Variants in ZAP70 observed in about 807,000 individuals in gnomAD.
ZAP70 encodes tyrosine-protein kinase ZAP-70.
A neutral mutation model predicts 65.8 loss-of-function variants in ZAP70; 27 were observed. The observed-to-expected ratio is 0.41, with a 90% CI of 0.30 to 0.57. The LOEUF (loss-of-function observed/expected upper bound fraction) is 0.57. Ranked by LOEUF, ZAP70 falls within the 20% of genes least tolerant of loss-of-function variation. The pLI is 0.28. For missense variants in ZAP70, 696 were observed against 870.5 expected, an observed-to-expected ratio of 0.80 and a Z score of 2.52; for synonymous variants, 363 against 360.8, an observed-to-expected ratio of 1.01 and a Z score of -0.07.
chr2:97,720,779 C>T (rs1436920456), intron 2 of ZAP70, among the ~76,000 whole-genome samples: 3 of 152,174 alleles, frequency 2.0e-5, no homozygotes, highest in African/African-American at 4.8e-5. Context: ...ATCCAGGACC[C>T]CCCTCAAGCT....
At chr2:97,738,222 C>A in intron 13 of ZAP70, 115 bp downstream of exon 13, 1 of 1,091,148 alleles carries the variant, frequency 9.2e-7, no homozygotes, top group Non-Finnish European at 1.4e-6. Context: ...AGCCCTTCAC[C>A]CAGTTCATAG....
chr2:97,751,704 G>A, the ZAP70 span, among the ~76,000 whole-genome samples: 1 of 152,214 alleles, frequency 6.6e-6, no homozygotes, highest in African/African-American at 2.4e-5. Flanking sequence ...GGGTTCTGCA[G>A]GCTGTAGAGG....
Position 97,715,511 on chromosome 2 carries a change from G to C in ZAP70, c.-22+1517G>C, listed in dbSNP as rs546005026. Among the ~76,000 whole-genome samples the C allele has an allele frequency of 1.3e-5, 2 of 152,332 alleles. No homozygotes were observed. Among genetic ancestry groups the C allele is most frequent in the South Asian group, 2.1e-4 (1 of 4,826 alleles). ...CAGGCAGTGGAGGCCGGAGTTGGGG[G>C]CCTCACTGGAGGGGCGGTGGAAGGG... On this transcript the variant is annotated intron_variant, in intron 2 of 13. Transcript: ENST00000264972. The surrounding 1 kb of genome is among the most constrained non-coding windows in gnomAD (Gnocchi z 4.1).
chr2:97,753,435 C>T, the ZAP70 span, among the ~76,000 whole-genome samples: 2 of 152,194 alleles, frequency 1.3e-5, no homozygotes, highest in African/African-American at 4.8e-5. Flanking sequence ...CGTGATTCCA[C>T]TAAATGTGTT....
At chr2:97,727,305 G>A (rs954691535) in intron 4 of ZAP70, among the ~76,000 whole-genome samples, 26 of 152,246 alleles carry the variant, frequency 1.7e-4, no homozygotes, top group Admixed American at 3.3e-4. Context: ...GCAAGTTGTC[G>A]TGAAGGTATG....
intron 2 of ZAP70, among the ~76,000 whole-genome samples, chr2:97,721,771 T>A (rs891843051): frequency 6.6e-6 from 1 of 150,708 alleles, no homozygotes; most frequent in East Asian, 2.0e-4. Flanking sequence ...ACATATTTTG[T>A]TTTTTTATTT....
chr2:97,733,878 G>C (rs1222073691), intron 8 of ZAP70: 1 of 558,672 alleles, frequency 1.8e-6, no homozygotes, highest in Non-Finnish European at 3.2e-6. Context: ...CACGTTCCGA[G>C]GTCACTGTGT....
rs372556959 is a variant in ZAP70, at chr2:97,729,792, C to G, written c.564-3091C>G. Among the ~76,000 whole-genome samples, 15 of 150,698 alleles carry G rather than the reference C, an allele frequency of 1.0e-4. 1 individual carries two copies. The highest frequency in any genetic ancestry group is 3.7e-4 in the African/African-American group (15 of 40,902). ...ATATATGTGGTGATAACACCAATGT[C>G]TTAGCTTTTGTGGTTATTATCTGGG... is the stretch of plus-strand genomic sequence containing the variant. On this transcript the variant is annotated intron_variant, in intron 4 of 13. Coordinates refer to ENST00000264972, the MANE Select transcript of ZAP70 (RefSeq NM_001079.4).
At chr2:97,754,271 A>G in the ZAP70 span, among the ~76,000 whole-genome samples, 4 of 152,206 alleles carry the variant, frequency 2.6e-5, no homozygotes, top group Non-Finnish European at 5.9e-5. Context: ...GGCGAGGCTC[A>G]TGGGGTGAAA....
chr2:97,725,787 G>C (rs1230754609), intron 4 of ZAP70, among the ~76,000 whole-genome samples: 1 of 152,196 alleles, frequency 6.6e-6, no homozygotes, highest in Non-Finnish European at 1.5e-5. Flanking sequence ...TTCTGAGGAA[G>C]GGAAAGAAGC....
At chr2:97,735,103 C>A in intron 9 of ZAP70, 147 bp from the exon 10 acceptor site, 1 of 929,138 alleles carries the variant, frequency 1.1e-6, no homozygotes, top group Non-Finnish European at 1.6e-6. Context: ...GCTGCAGGGA[C>A]ATTGAGCGCC....
chr2:97,744,679 A>G (rs542247361), downstream of ZAP70, among the ~76,000 whole-genome samples: 1 of 152,336 alleles, frequency 6.6e-6, no homozygotes, highest in South Asian at 2.1e-4. Context: ...AAAAGAGAAC[A>G]GAGAATAACA....
intron 2 of ZAP70, among the ~76,000 whole-genome samples, chr2:97,723,232 C>T (rs1677228810): frequency 6.6e-6 from 1 of 152,202 alleles, no homozygotes; most frequent in South Asian, 2.1e-4. Flanking sequence ...ATGGATATTC[C>T]AATTAGCGTA....
Position 97,725,129 on chromosome 2 carries a change from C to G in ZAP70, c.440C>G (p.Pro147Arg). Residue 147 changes from proline (P) to arginine (R), a missense_variant, in exon 4 of 14, where the codon CCG becomes CGG. Transcript: ENST00000264972. ...ALEQAIISQAPQVEKLIATTA... is the reference protein window; with the variant it reads ...ALEQAIISQARQVEKLIATTA... ...GAGCAGGCCATCATCAGCCAGGCCC[C>G]GCAGGTGGAGAAGCTCATTGCTACG... 1 of 1,614,096 alleles carries G rather than the reference C, an allele frequency of 6.2e-7. No individual in the cohort carries two copies. The highest frequency in any genetic ancestry group is 8.5e-7 in the Non-Finnish European group (1 of 1,180,008).
chr2:97,743,153 CT>C (rs1488137935), downstream of ZAP70, among the ~76,000 whole-genome samples: 12 of 152,160 alleles, frequency 7.9e-5, no homozygotes, highest in Admixed American at 2.0e-4. Context: ...AACCAAACTC[CT>C]GAGTTAGGCC....
intron 2 of ZAP70, among the ~76,000 whole-genome samples, chr2:97,720,510 C>T (rs560926656): frequency 2.5e-4 from 38 of 152,150 alleles, no homozygotes; most frequent in African/African-American, 9.2e-4. Flanking sequence ...CCACCGGGCC[C>T]AGCCATTAAT....
Position 97,725,156 on chromosome 2 carries a change from C to T in ZAP70, c.467C>T (p.Thr156Met), listed in dbSNP as rs1266171275. 6.2e-7 allele frequency: 1 copy of T among 1,614,174 alleles called. No homozygotes were observed. The highest frequency in any genetic ancestry group is 8.5e-7 in the Non-Finnish European group (1 of 1,180,020). The change falls in exon 4 of 14, where the codon ACG becomes ATG. Residue 156 changes from threonine (T) to methionine (M), a missense_variant. Transcript: ENST00000264972. ...APQVEKLIAT[T>M]AHERMPWYHS... ...CAGGTGGAGAAGCTCATTGCTACGACGGCCCACGAGCGGATGCCCTGGTAC... is the reference window on the plus strand; with the variant it reads ...CAGGTGGAGAAGCTCATTGCTACGATGGCCCACGAGCGGATGCCCTGGTAC...
chr2:97,725,220 T>C lies in ZAP70; in HGVS notation c.531T>C (p.Leu177=), dbSNP rs115846138. The change falls in exon 4 of 14, where the codon CTT becomes CTC. Residue 177 remains leucine (L), a synonymous_variant. Coordinates refer to ENST00000264972, the MANE Select transcript of ZAP70 (RefSeq NM_001079.4). The stretch of plus-strand genomic sequence containing the variant: ...CGCGTGAGGAGGCCGAGCGCAAACT[T>C]TACTCTGGGGCGCAGACCGACGGCA... ...SLTREEAERK[L]YSGAQTDGKF... is the part of the protein sequence containing the mutation. 1,043 of 1,613,912 alleles carry C rather than the reference T, an allele frequency of 6.5e-4. 4 individuals carry two copies. In the African/African-American group the frequency reaches 0.012, roughly 18 times the overall value.
At chr2:97,721,353 AC>A (rs1677146339) in intron 2 of ZAP70, among the ~76,000 whole-genome samples, 1 of 152,186 alleles carries the variant, frequency 6.6e-6, no homozygotes, top group Non-Finnish European at 1.5e-5. Context: ...ATCACTCGAT[AC>A]ACATTTTCCC....
Sources: allele counts gnomAD v4.1 joint callset (sites outside exome capture counted in the v4.1 genomes callset), GRCh38; gene constraint gnomAD v4.1.1; non-coding constraint Gnocchi (gnomAD v3.1); transcripts MANE v1.5; gene names NCBI Gene and HGNC (gene_info 2026-07-23, HGNC 2026-07-21).